The following ADCY9 variants were observed in gnomAD, a reference collection of about 807,000 sequenced individuals.
ADCY9 encodes adenylate cyclase type 9.
ADCY9 carries 50 observed loss-of-function variants against 101.5 expected under a neutral mutation model. The observed-to-expected ratio is 0.49, with a 90% CI of 0.39 to 0.62. ADCY9 has a LOEUF of 0.62. Ranked by LOEUF, ADCY9 falls within the 20% of genes least tolerant of loss-of-function variation. The pLI is 0.00. For missense variants in ADCY9, 1,662 were observed against 1,800.4 expected (o/e 0.92, Z 1.39); for synonymous variants, 905 against 769.3 (o/e 1.18, Z -2.92).
chr16:4,069,265 G>A (rs1221147470), intron 2 of ADCY9, among the ~76,000 whole-genome samples: 1 of 96,742 alleles, frequency 1.0e-5, no homozygotes, highest in East Asian at 2.9e-4. Flanking sequence ...ATATGCTGTT[G>A]TTGTAAGTTA....
In ADCY9 at chr16:3,966,676, T is replaced by C; in HGVS notation, c.3161A>G (p.His1054Arg). 1 of 1,614,102 alleles carries C rather than the reference T, an allele frequency of 6.2e-7. No homozygotes were observed. Residue 1054 changes from histidine (H) to arginine (R), a missense_variant, in exon 11 of 11, where the codon CAT becomes CGT. By Grantham distance (29) the His-to-Arg change is conservative. Around this residue, in one of 5 missense-constraint regions of ADCY9, gnomAD observed 220 missense variants for 312.9 expected, o/e 0.70. Coordinates refer to ENST00000294016, the MANE Select transcript of ADCY9 (RefSeq NM_001116.4). ...GGCGAAGATCACCCCTCCGCTGTCATGGTTCTTGGAGTAGGTCTGGGACAC... is the reference window on the plus strand; with the variant it reads ...GGCGAAGATCACCCCTCCGCTGTCACGGTTCTTGGAGTAGGTCTGGGACAC... ...LKVSQTYSKN[H>R]DSGGVIFASI... is the part of the protein sequence containing the mutation.
chr16:4,106,206 T>G (rs1411315037), intron 2 of ADCY9, among the ~76,000 whole-genome samples: 1 of 152,234 alleles, frequency 6.6e-6, no homozygotes, highest in Non-Finnish European at 1.5e-5. Flanking sequence ...AGGGGCAGTC[T>G]TCTTCGCTGA....
At chr16:4,045,691 G>A (rs888002418) in intron 2 of ADCY9, among the ~76,000 whole-genome samples, 1 of 149,420 alleles carries the variant, frequency 6.7e-6, no homozygotes, top group African/African-American at 2.5e-5. Context: ...GCAGTAACTA[G>A]CTTTGAAAAC....
rs2056161116 is a variant in ADCY9, at chr16:3,983,299, G to A, written c.2452C>T (p.Pro818Ser). The A allele has an allele frequency of 5.1e-6, 8 of 1,562,692 alleles. No individual in the cohort carries two copies. Among genetic ancestry groups the A allele is most frequent in the Non-Finnish European group, 6.9e-6 (8 of 1,153,896 alleles). ...GCACTGAAGACCGCCAGGGCGGCGGGCGGGGGAGGCACGGTGGCCGCCTCG... is the reference window on the plus strand; with the variant it reads ...GCACTGAAGACCGCCAGGGCGGCGGACGGGGGAGGCACGGTGGCCGCCTCG... ...KYEAATVPPP[P>S]AALAVFSAAL... The change falls in exon 7 of 11, where the codon CCC becomes TCC. Residue 818 changes from proline (P) to serine (S), a missense_variant. Transcript: ENST00000294016.
intron 3 of ADCY9, among the ~76,000 whole-genome samples, chr16:4,004,077 CAA>C (rs924394426): frequency 7.2e-6 from 1 of 138,266 alleles, no homozygotes. Flanking sequence ...GGCAATATAG[CAA>C]AAAAAAAAAA....
intron 2 of ADCY9, among the ~76,000 whole-genome samples, chr16:4,100,661 G>A (rs1480360389): frequency 6.6e-6 from 1 of 150,794 alleles, no homozygotes; most frequent in Non-Finnish European, 1.5e-5. Context: ...GTGTTAGAAT[G>A]GTCTGATACA....
At chr16:4,074,544 A>C (rs932525190) in intron 2 of ADCY9, among the ~76,000 whole-genome samples, 5 of 151,124 alleles carry the variant, frequency 3.3e-5, no homozygotes, top group South Asian at 4.2e-4. Context: ...AAAAAAAAAA[A>C]CAAAATTTAA....
At chr16:3,962,241 A>T (rs201846639), downstream of ADCY9, among the ~76,000 whole-genome samples, 7 of 152,046 alleles carry the variant, frequency 4.6e-5, no homozygotes, top group East Asian at 1.3e-3. Context: ...AACACCTGGG[A>T]CCCCAGTGAT....
intron 2 of ADCY9, among the ~76,000 whole-genome samples, chr16:4,031,045 G>C (rs550443210): frequency 1.3e-5 from 2 of 152,328 alleles, no homozygotes; most frequent in African/African-American, 4.8e-5. Flanking sequence ...AACTGTTCTA[G>C]ATCTAGATCT....
intron 3 of ADCY9, among the ~76,000 whole-genome samples, chr16:4,001,636 C>T (rs1449169723): frequency 6.6e-6 from 1 of 152,114 alleles, no homozygotes; most frequent in Non-Finnish European, 1.5e-5. Flanking sequence ...GCAGCCTCTG[C>T]CTCCCAGACT....
At chr16:4,037,752 A>G (rs1432658285) in intron 2 of ADCY9, among the ~76,000 whole-genome samples, 5 of 152,180 alleles carry the variant, frequency 3.3e-5, no homozygotes, top group Non-Finnish European at 4.4e-5. Context: ...GCTCTTGACT[A>G]ACTGTGCCAC....
chr16:3,974,544 A>T, intron 10 of ADCY9, 125 bp downstream of exon 10: 1 of 714,266 alleles, frequency 1.4e-6, no homozygotes, highest in Non-Finnish European at 2.4e-6. Context: ...TCCACTTTCT[A>T]TTCTAAGAAT....
Position 4,115,484 on chromosome 16 carries a change from A to T in ADCY9, c.-42T>A. Reference sequence around the variant, plus strand: ...GCCTGCCCCGGCCGGGGTCACCAGTACCTGCCAGCAAAACGGGGAGAGTTA... The same window carrying T: ...GCCTGCCCCGGCCGGGGTCACCAGTTCCTGCCAGCAAAACGGGGAGAGTTA... On this transcript the variant is annotated splice_region_variant and 5_prime_UTR_variant, in exon 2 of 11. Transcript: ENST00000294016. This position sits in a 1 kb window ranked among gnomAD's most constrained non-coding sequence, Gnocchi z 6.2. 4.1e-6 allele frequency: 6 copies of T among 1,478,740 alleles called. No individual in the cohort carries two copies. Among genetic ancestry groups the T allele is most frequent in the Non-Finnish European group, 5.4e-6 (6 of 1,115,452 alleles). The allele number at this position is 1,478,740 out of a possible 1,614,324, so 91.6% of individuals were successfully genotyped here. A position where few individuals can be genotyped will look rare whatever the true frequency, so the allele number is the denominator to read the frequency against.
intron 2 of ADCY9, among the ~76,000 whole-genome samples, chr16:4,042,565 C>G (rs1009161938): frequency 6.6e-6 from 1 of 152,168 alleles, no homozygotes; most frequent in Non-Finnish European, 1.5e-5. Flanking sequence ...CCCAGAGGAC[C>G]TGCATTCCAT....
At chr16:3,979,801 C>T (rs2056125567) in intron 7 of ADCY9, among the ~76,000 whole-genome samples, 1 of 152,356 alleles carries the variant, frequency 6.6e-6, no homozygotes, top group Non-Finnish European at 1.5e-5. Flanking sequence ...GCCCTGCACC[C>T]CACACAGCAG....
intron 3 of ADCY9, among the ~76,000 whole-genome samples, chr16:4,001,338 T>G (rs955741996): frequency 6.6e-6 from 1 of 152,174 alleles, no homozygotes; most frequent in East Asian, 1.9e-4. Flanking sequence ...AGGCATTTTG[T>G]CAAATGTCCA....
chr16:4,098,030 G>A (rs1032997885), intron 2 of ADCY9, among the ~76,000 whole-genome samples: 7 of 152,008 alleles, frequency 4.6e-5, no homozygotes, highest in African/African-American at 1.7e-4. Flanking sequence ...TACATATGAT[G>A]CAAGCTGGAA....
At position 4,033,864 on chromosome 16, in the gene ADCY9, T is replaced by C. The variant is rs185506366; in HGVS notation, c.1694-26306A>G. ...CAGATTATGGCAACATCAGTGACTTTACAGGGTTTTGAGGATTAAATGAGT... is the reference window on the plus strand; with the variant it reads ...CAGATTATGGCAACATCAGTGACTTCACAGGGTTTTGAGGATTAAATGAGT... On this transcript the variant is annotated intron_variant, in intron 2 of 10. Transcript: ENST00000294016. Among the ~76,000 whole-genome samples, 553 of 152,358 alleles carry C rather than the reference T, an allele frequency of 3.6e-3. 5 individuals are homozygous for C. Among genetic ancestry groups the C allele is most frequent in the Non-Finnish European group, 6.4e-3 (434 of 68,036 alleles).
Position 3,964,125 on chromosome 16 carries a change from G to A in ADCY9, c.*1650C>T, listed in dbSNP as rs1597129524. 1.3e-5 allele frequency: 2 copies of A among 152,346 alleles called. No individual in the cohort carries two copies. Among genetic ancestry groups the A allele is most frequent in the East Asian group, 3.9e-4 (2 of 5,174 alleles). The allele number at this position is 152,346 out of a possible 1,614,324, so 9.4% of individuals were successfully genotyped here. ...GGGCAATCTGTATGTCTCTGGGGAG[G>A]AGTAGTGATGATGGGGACTGATGCG... On this transcript the variant is annotated 3_prime_UTR_variant, in exon 11 of 11. Coordinates refer to ENST00000294016, the MANE Select transcript of ADCY9 (RefSeq NM_001116.4).
Sources: allele counts gnomAD v4.1 joint callset (sites outside exome capture counted in the v4.1 genomes callset), GRCh38; gene constraint gnomAD v4.1.1; regional missense constraint gnomAD v4.1.1; non-coding constraint Gnocchi (gnomAD v3.1); transcripts MANE v1.5; gene names NCBI Gene and HGNC (gene_info 2026-07-23, HGNC 2026-07-21).